Variants in HEPH observed in about 807,000 individuals in gnomAD.
HEPH encodes the protein hephaestin.
In HEPH, 69 loss-of-function variants were observed where a neutral mutation model predicts 80.8. The observed-to-expected ratio is 0.85, with a 90% CI of 0.70 to 1.04. The LOEUF (loss-of-function observed/expected upper bound fraction) is 1.04. Ranked by LOEUF, HEPH falls within the 50% of genes least tolerant of loss-of-function variation. The probability of loss-of-function intolerance (pLI) is 0.00; values close to 1 mark genes in which losing one functional copy is unlikely to be tolerated. For missense variants in HEPH, 1,115 were observed against 891.3 expected (o/e 1.25, Z -3.20); for synonymous variants, 431 against 322.8 (o/e 1.34, Z -3.60).
chrX:66,176,042 C>T (rs1470791348), intron 4 of HEPH, among the ~76,000 whole-genome samples: 1 of 111,260 alleles, frequency 9.0e-6, no homozygotes, highest in Non-Finnish European at 1.9e-5. Flanking sequence ...CTAGCATTTC[C>T]AGTACTAAGT....
intron 1 of HEPH, among the ~76,000 whole-genome samples, chrX:66,166,423 G>A (rs971293037): frequency 9.0e-6 from 1 of 111,391 alleles, no homozygotes; most frequent in Non-Finnish European, 1.9e-5. Flanking sequence ...TTGAACTCCC[G>A]ATCTCAGGTG....
intron 13 of HEPH, among the ~76,000 whole-genome samples, chrX:66,206,582 G>T (rs183493005): frequency 9.3e-6 from 1 of 106,992 alleles, no homozygotes; most frequent in Non-Finnish European, 1.9e-5. Context: ...GGGCAGGCTG[G>T]TCTCAAACTC....
intron 20 of HEPH, among the ~76,000 whole-genome samples, chrX:66,264,715 G>C (rs5919025): frequency 0.62 from 65,680 of 106,429 alleles, 18,265 homozygotes; most frequent in East Asian, 1. Context: ...ATGTCCTGGA[G>C]GGGATGGGGA....
At chrX:66,235,774 A>G (rs1363317440) in intron 15 of HEPH, among the ~76,000 whole-genome samples, 1 of 112,071 alleles carries the variant, frequency 8.9e-6, no homozygotes, top group African/African-American at 3.2e-5. Flanking sequence ...TTGAATCTAT[A>G]CATTGCTTTG....
intron 13 of HEPH, among the ~76,000 whole-genome samples, chrX:66,204,730 T>C (rs2088665753): frequency 8.9e-6 from 1 of 112,361 alleles, no homozygotes; most frequent in African/African-American, 3.2e-5. Flanking sequence ...AATTTGACTT[T>C]ATGTAGAAAT....
chrX:66,243,632 G>T (rs188636102), intron 15 of HEPH, among the ~76,000 whole-genome samples: 74 of 113,077 alleles, frequency 6.5e-4, no homozygotes, highest in Non-Finnish European at 1.2e-3. Flanking sequence ...TTGGCACTTC[G>T]TGCCTTTGAA....
chrX:66,247,499 ATTTG>A, intron 15 of HEPH, among the ~76,000 whole-genome samples: 1 of 110,341 alleles, frequency 9.1e-6, no homozygotes, highest in African/African-American at 3.3e-5. Context: ...CTATTCCAGA[ATTTG>A]TTTGGTTCCT....
intron 1 of HEPH, among the ~76,000 whole-genome samples, chrX:66,169,528 C>T (rs1296501998): frequency 8.9e-6 from 1 of 111,796 alleles, no homozygotes; most frequent in Admixed American, 9.5e-5. Context: ...AATCTTGGGT[C>T]TGATTCTGAC....
intron 13 of HEPH, 131 bp downstream of exon 13, chrX:66,203,708 G>T: frequency 1.9e-6 from 1 of 521,541 alleles, no homozygotes; most frequent in Non-Finnish European, 3.1e-6. Flanking sequence ...GGGAGATGGG[G>T]CTATAATGCA....
At chrX:66,261,268 C>A (rs1043271265) in intron 19 of HEPH, among the ~76,000 whole-genome samples, 1 of 111,820 alleles carries the variant, frequency 8.9e-6, no homozygotes, top group African/African-American at 3.2e-5. Context: ...TCAGTTACAG[C>A]TTATCTGAGT....
intron 12 of HEPH, 104 bp downstream of exon 12, chrX:66,200,856 AG>A (rs1385607935): frequency 9.8e-6 from 6 of 610,722 alleles, no homozygotes; most frequent in South Asian, 9.0e-5. Context: ...AGGCATGTTA[AG>A]GGTTCTAGGA....
At chrX:66,262,425 T>A (rs1039664161) in intron 19 of HEPH, among the ~76,000 whole-genome samples, 5 of 111,151 alleles carry the variant, frequency 4.5e-5, no homozygotes, top group African/African-American at 1.6e-4. Flanking sequence ...GCAAATAGAG[T>A]CATCTGCTGA....
intron 15 of HEPH, among the ~76,000 whole-genome samples, chrX:66,216,397 G>A (rs2089399118): frequency 8.9e-6 from 1 of 111,888 alleles, no homozygotes; most frequent in South Asian, 3.8e-4. Flanking sequence ...ACATGAAGAC[G>A]GATTATATCT....
chrX:66,199,649 A>G (rs894612798), intron 11 of HEPH, among the ~76,000 whole-genome samples: 1 of 112,263 alleles, frequency 8.9e-6, no homozygotes, highest in African/African-American at 3.2e-5. Flanking sequence ...CAGTGCAGGA[A>G]ATAGATTTGT....
rs758189637 is a variant in HEPH, at chrX:66,208,151, C to T, written c.2468C>T (p.Thr823Ile). The T allele has an allele frequency of 1.7e-6, 2 of 1,199,176 alleles. No homozygotes were observed. Among genetic ancestry groups the T allele is most frequent in the South Asian group, 3.6e-5 (2 of 56,140 alleles). ...AAAGGTGAAGTTGGTGATATCCTGACTGTGGTATTCAAGAATAATGCCAGC... is the reference window on the plus strand; with the variant it reads ...AAAGGTGAAGTTGGTGATATCCTGATTGTGGTATTCAAGAATAATGCCAGC... ...LIKGEVGDILTVVFKNNASRP... is the reference protein window; with the variant it reads ...LIKGEVGDILIVVFKNNASRP... Residue 823 changes from threonine to isoleucine, a missense_variant, in exon 15 of 21, where the codon ACT becomes ATT. Thr to Ile is a moderately conservative substitution (Grantham distance 89). This residue lies in a region of HEPH where 716 missense variants were observed against 523.5 expected (regional missense o/e 1.37). Transcript: ENST00000343002.
chrX:66,223,946 C>T (rs1470614299), intron 15 of HEPH, among the ~76,000 whole-genome samples: 1 of 111,680 alleles, frequency 9.0e-6, no homozygotes, highest in Admixed American at 9.5e-5. Flanking sequence ...ACGACTTTCA[C>T]AGACAATTCT....
intron 15 of HEPH, among the ~76,000 whole-genome samples, chrX:66,243,984 G>T (rs1044925913): frequency 1.8e-5 from 2 of 111,865 alleles, no homozygotes; most frequent in African/African-American, 6.5e-5. Context: ...TTTCTTTAAA[G>T]ATGCTTTATA....
intron 15 of HEPH, among the ~76,000 whole-genome samples, chrX:66,253,928 G>T (rs149548542): frequency 7.0e-4 from 78 of 111,413 alleles, no homozygotes; most frequent in Middle Eastern, 4.6e-3. Flanking sequence ...ATTACCTTGG[G>T]TGGGGTGGGG....
intron 15 of HEPH, among the ~76,000 whole-genome samples, chrX:66,250,568 G>GA (rs1190484788): frequency 1.8e-5 from 2 of 110,337 alleles, no homozygotes; most frequent in Admixed American, 9.7e-5. Flanking sequence ...ATCTTTCCTA[G>GA]AAAAAATATG....
Sources: gnomAD v4.1 joint callset for allele counts (sites outside exome capture counted in the v4.1 genomes callset) on GRCh38, gnomAD v4.1.1 for gene constraint, gnomAD v4.1.1 regional missense constraint, MANE v1.5 for transcripts, NCBI Gene and HGNC (gene_info 2026-07-23, HGNC 2026-07-21) for gene names.